Variants in ZNF536 observed in about 807,000 individuals in gnomAD.
ZNF536 encodes zinc finger protein 536.
In ZNF536, 13 loss-of-function variants were observed where a neutral mutation model predicts 84.5. The observed-to-expected ratio is 0.15, with a 90% confidence interval of 0.10 to 0.24. ZNF536 has a LOEUF of 0.24. Among genes scored for constraint, ZNF536 ranks in the 10% least tolerant of loss-of-function variants. ZNF536 has a pLI of 1.00. For synonymous variants in ZNF536, 811 were observed against 742.5 expected, an observed-to-expected ratio of 1.09 and a Z score of -1.50; for missense variants, 1,536 against 1,747.5, an observed-to-expected ratio of 0.88 and a Z score of 2.16.
chr19:30,616,390 C>T (rs2048295379), intron 1 of ZNF536, among the ~76,000 whole-genome samples: 2 of 151,974 alleles, frequency 1.3e-5, no homozygotes, highest in Non-Finnish European at 2.9e-5. Flanking sequence ...TTTATAAATG[C>T]CTCTTATGGA....
intron 3 of ZNF536, 107 bp downstream of exon 3, chr19:30,535,106 A>C: frequency 1.5e-6 from 2 of 1,355,434 alleles, no homozygotes; most frequent in Non-Finnish European, 2.0e-6. Context: ...CTAACTCTGG[A>C]AGGTTCTCCC....
intron 1 of ZNF536, among the ~76,000 whole-genome samples, chr19:30,248,652 C>G (rs2024433083): frequency 6.6e-6 from 1 of 152,106 alleles, no homozygotes; most frequent in African/African-American, 2.4e-5. Context: ...ATCTTATGAA[C>G]TGCCCATCCC....
At chr19:30,647,090 C>T (rs1395718133) in intron 1 of ZNF536, among the ~76,000 whole-genome samples, 3 of 152,112 alleles carry the variant, frequency 2.0e-5, no homozygotes, top group Non-Finnish European at 4.4e-5. Flanking sequence ...AAATTATACC[C>T]CTGGTTTCCC....
chr19:30,678,588 G>A (rs572783817), intron 1 of ZNF536, among the ~76,000 whole-genome samples: 3 of 152,294 alleles, frequency 2.0e-5, no homozygotes, highest in Admixed American at 6.5e-5. Flanking sequence ...GACAAGAGAA[G>A]GCATGATATT....
At chr19:30,640,122 C>T (rs2049215269) in intron 1 of ZNF536, among the ~76,000 whole-genome samples, 1 of 152,082 alleles carries the variant, frequency 6.6e-6, no homozygotes, top group African/African-American at 2.4e-5. Flanking sequence ...TGGCACGTGC[C>T]TGTAGTCCCA....
chr19:30,308,043 C>A (rs995668797), intron 2 of ZNF536, among the ~76,000 whole-genome samples: 6 of 152,190 alleles, frequency 3.9e-5, no homozygotes, highest in African/African-American at 1.4e-4. Flanking sequence ...GTATACCATT[C>A]ATTATGCTAA....
At chr19:30,446,798 T>A (rs1256181009) in intron 2 of ZNF536, among the ~76,000 whole-genome samples, 1 of 137,428 alleles carries the variant, frequency 7.3e-6, no homozygotes. Context: ...TGGCCCAGTT[T>A]AAAAAAAAAA....
chr19:30,610,007 C>T (rs1323457381), intron 1 of ZNF536, among the ~76,000 whole-genome samples: 1 of 152,058 alleles, frequency 6.6e-6, no homozygotes, highest in Non-Finnish European at 1.5e-5. Flanking sequence ...TCTATCCATT[C>T]ATCCATCCAT....
chr19:30,669,396 A>T (rs2050456305), intron 1 of ZNF536, among the ~76,000 whole-genome samples: 1 of 151,968 alleles, frequency 6.6e-6, no homozygotes, highest in East Asian at 1.9e-4. Flanking sequence ...TCCCTCACAC[A>T]CTCCCTTTAG....
intron 1 of ZNF536, among the ~76,000 whole-genome samples, chr19:30,251,674 C>T (rs559948802): frequency 2.6e-5 from 4 of 152,232 alleles, no homozygotes; most frequent in African/African-American, 9.6e-5. Context: ...TTTTGGTGCG[C>T]CCATCTCCTG....
intron 1 of ZNF536, among the ~76,000 whole-genome samples, chr19:30,265,538 C>G (rs375896027): frequency 2.0e-5 from 3 of 152,174 alleles, no homozygotes; most frequent in Admixed American, 6.5e-5. Flanking sequence ...TTGTCCACCC[C>G]GCATCTCCCT....
chr19:30,574,714 A>G (rs1375600957), intron 1 of ZNF536, among the ~76,000 whole-genome samples: 2 of 152,256 alleles, frequency 1.3e-5, no homozygotes, highest in African/African-American at 4.8e-5. Flanking sequence ...GCCATGTCAC[A>G]GCAACAAAAC....
At chr19:30,551,910 G>T (rs1423524535) in intron 4 of ZNF536, among the ~76,000 whole-genome samples, 1 of 152,068 alleles carries the variant, frequency 6.6e-6, no homozygotes, top group Non-Finnish European at 1.5e-5. Context: ...CCCATATCTG[G>T]CCCACCATAA....
At position 30,432,277 on chromosome 19, in the gene ZNF536, C is replaced by T. The variant is rs559663849; in HGVS notation, c.-2-11284C>T. Among the ~76,000 whole-genome samples, 5 of 152,178 alleles carry T rather than the reference C, an allele frequency of 3.3e-5. No individual in the cohort carries two copies. In the East Asian group the frequency reaches 9.7e-4, roughly 30 times the overall value. ...GACACCGTGGGCAACGTCCCCTCTC[C>T]GGCATGGTGACTGATCATAAGCTTA... On this transcript the variant is annotated intron_variant, in intron 1 of 4. Coordinates refer to ENST00000355537, the MANE Select transcript of ZNF536 (RefSeq NM_014717.3).
chr19:30,332,895 A>G (rs2047258875), intron 2 of ZNF536, among the ~76,000 whole-genome samples: 2 of 152,166 alleles, frequency 1.3e-5, no homozygotes, highest in South Asian at 2.1e-4. Flanking sequence ...AGCTTGGGCA[A>G]TATGGTGAAA....
intron 1 of ZNF536, among the ~76,000 whole-genome samples, chr19:30,426,192 G>C (rs1451672373): frequency 6.6e-6 from 1 of 152,154 alleles, no homozygotes; most frequent in Non-Finnish European, 1.5e-5. Flanking sequence ...AAAATGCTCT[G>C]GCTATTAAAA....
chr19:30,564,511 T>C (rs2046283284), intron 1 of ZNF536, among the ~76,000 whole-genome samples: 1 of 151,952 alleles, frequency 6.6e-6, no homozygotes, highest in African/African-American at 2.4e-5. Context: ...GCTGATGGGA[T>C]GGGCCATCCC....
chr19:30,418,403 T>C (rs2050820864), intron 1 of ZNF536, among the ~76,000 whole-genome samples: 1 of 152,208 alleles, frequency 6.6e-6, no homozygotes, highest in Non-Finnish European at 1.5e-5. Flanking sequence ...AACTTAATGC[T>C]CTTTGTTTTG....
intron 2 of ZNF536, among the ~76,000 whole-genome samples, chr19:30,528,481 T>C (rs369175263): frequency 8.5e-5 from 13 of 152,250 alleles, no homozygotes; most frequent in African/African-American, 2.4e-4. Context: ...CAGTAGAGGA[T>C]TGACTCTTCT....
Sources: gnomAD v4.1 joint callset for allele counts (sites outside exome capture counted in the v4.1 genomes callset) on GRCh38, gnomAD v4.1.1 for gene constraint, MANE v1.5 for transcripts, NCBI Gene and HGNC (gene_info 2026-07-23, HGNC 2026-07-21) for gene names.